Variants in TOX observed in about 807,000 individuals in gnomAD.
TOX encodes the protein thymocyte selection associated high mobility group box.
A neutral mutation model predicts 53.7 loss-of-function variants in TOX; 11 were observed. The observed-to-expected ratio is 0.20, with a 90% CI of 0.13 to 0.34. TOX has a LOEUF of 0.34. TOX is among the 10% of genes least tolerant of loss of function. The probability of loss-of-function intolerance (pLI) is 1.00; values close to 1 mark genes in which losing one functional copy is unlikely to be tolerated. For missense variants in TOX, 570 were observed against 664.6 expected, an observed-to-expected ratio of 0.86 and a Z score of 1.56; for synonymous variants, 225 against 245.3, an observed-to-expected ratio of 0.92 and a Z score of 0.77.
At chr8:59,066,262 C>G (rs1396330271) in intron 1 of TOX, among the ~76,000 whole-genome samples, 1 of 152,126 alleles carries the variant, frequency 6.6e-6, no homozygotes. Context: ...ATTTAATGAA[C>G]AAATAAGTCA....
chr8:59,040,815 G>GA (rs1371750526), intron 1 of TOX, among the ~76,000 whole-genome samples: 1 of 152,150 alleles, frequency 6.6e-6, no homozygotes, highest in Non-Finnish European at 1.5e-5. Flanking sequence ...CTGGGCTTGG[G>GA]ATGGCCCCGC....
chr8:58,994,090 G>A (rs1813508869), intron 1 of TOX, among the ~76,000 whole-genome samples: 1 of 152,196 alleles, frequency 6.6e-6, no homozygotes, highest in Non-Finnish European at 1.5e-5. Flanking sequence ...AAGTGCAAGA[G>A]TGGACAACTG....
chr8:58,975,550 T>A (rs183696645), intron 1 of TOX, among the ~76,000 whole-genome samples: 92 of 152,286 alleles, frequency 6.0e-4, no homozygotes, highest in African/African-American at 2.0e-3. Flanking sequence ...CACATACAAG[T>A]TATGTTTACA....
chr8:58,891,519 G>C (rs1390051789), intron 3 of TOX, among the ~76,000 whole-genome samples: 2 of 152,112 alleles, frequency 1.3e-5, no homozygotes, highest in Non-Finnish European at 2.9e-5. Flanking sequence ...CTAGCACAAA[G>C]GGTGAACAGT....
rs571448978 is a variant in TOX at position 58,963,320 on chromosome 8, TAGATAGATAG to T, written c.103-3322_103-3313del. ...ATAGATAGATAGATATATATATAGATAGATAGATAGATAGATAGATAGGTAGATAGATAGA... is the reference window on the plus strand; with the variant it reads ...ATAGATAGATAGATATATATATAGATATAGATAGATAGGTAGATAGATAGA... On this transcript the variant is annotated intron_variant, in intron 1 of 8. Coordinates refer to ENST00000361421, the MANE Select transcript of TOX (RefSeq NM_014729.3). Among the ~76,000 whole-genome samples the T allele has an allele frequency of 1.4e-3, 209 of 151,902 alleles. 1 individual carries two copies. Among genetic ancestry groups the T allele is most frequent in the African/African-American group, 5.0e-3 (206 of 41,448 alleles).
At chr8:59,116,249 C>T (rs1237061564) in intron 1 of TOX, among the ~76,000 whole-genome samples, 1 of 152,148 alleles carries the variant, frequency 6.6e-6, no homozygotes, top group Non-Finnish European at 1.5e-5. Context: ...AAACAAATCA[C>T]CTGACAAACT....
At chr8:58,893,818 C>T (rs1238432988) in intron 3 of TOX, among the ~76,000 whole-genome samples, 1 of 152,144 alleles carries the variant, frequency 6.6e-6, no homozygotes, top group African/African-American at 2.4e-5. Context: ...TAAGGTGAAA[C>T]GTGAAAGCTA....
intron 1 of TOX, among the ~76,000 whole-genome samples, chr8:59,021,317 G>T (rs1814126065): frequency 6.6e-6 from 1 of 150,646 alleles, no homozygotes; most frequent in African/African-American, 2.4e-5. Flanking sequence ...GGGGAAGCAG[G>T]AGGGGGAGGT....
intron 3 of TOX, among the ~76,000 whole-genome samples, chr8:58,888,711 A>G (rs1811512248): frequency 6.6e-6 from 1 of 151,902 alleles, no homozygotes; most frequent in Non-Finnish European, 1.5e-5. Flanking sequence ...TAAAAAGACT[A>G]CAGAATAGAA....
intron 1 of TOX, among the ~76,000 whole-genome samples, chr8:59,094,065 C>G (rs184416149): frequency 6.6e-6 from 1 of 151,738 alleles, no homozygotes; most frequent in Admixed American, 6.6e-5. Flanking sequence ...ATATGACAGA[C>G]CATGATTCTA....
chr8:59,102,283 A>C (rs1804820536), intron 1 of TOX, among the ~76,000 whole-genome samples: 1 of 152,134 alleles, frequency 6.6e-6, no homozygotes, highest in African/African-American at 2.4e-5. Context: ...CCTGCAGTAC[A>C]GTGGGGCTAT....
intron 1 of TOX, among the ~76,000 whole-genome samples, chr8:59,088,874 A>C (rs1033635056): frequency 1.3e-5 from 2 of 152,222 alleles, no homozygotes; most frequent in Non-Finnish European, 2.9e-5. Flanking sequence ...GGTACCTATT[A>C]GCCACAAGTT....
At chr8:58,967,414 C>T (rs1467531775) in intron 1 of TOX, among the ~76,000 whole-genome samples, 1 of 152,084 alleles carries the variant, frequency 6.6e-6, no homozygotes, top group Non-Finnish European at 1.5e-5. Flanking sequence ...TTACATGCTC[C>T]CCAGATCTGC....
At chr8:58,965,552 G>A (rs1812878420) in intron 1 of TOX, among the ~76,000 whole-genome samples, 1 of 152,078 alleles carries the variant, frequency 6.6e-6, no homozygotes, top group Non-Finnish European at 1.5e-5. Flanking sequence ...ATCAGTCATT[G>A]GCACTGGTAC....
intron 3 of TOX, among the ~76,000 whole-genome samples, chr8:58,891,991 C>A (rs1255731408): frequency 6.6e-6 from 1 of 152,120 alleles, no homozygotes; most frequent in Non-Finnish European, 1.5e-5. Context: ...CATTCGTATT[C>A]ATAGCATGCT....
At chr8:59,116,868 A>G (rs767991807) in intron 1 of TOX, among the ~76,000 whole-genome samples, 5 of 152,252 alleles carry the variant, frequency 3.3e-5, no homozygotes, top group Non-Finnish European at 5.9e-5. Context: ...TAGTAAAGAA[A>G]TTCTGAATAC....
At chr8:58,875,043 C>T (rs1282492809) in intron 3 of TOX, among the ~76,000 whole-genome samples, 1 of 152,318 alleles carries the variant, frequency 6.6e-6, no homozygotes, top group Admixed American at 6.5e-5. Context: ...AAGATTCCTG[C>T]ATTTCCCTTG....
intron 1 of TOX, among the ~76,000 whole-genome samples, chr8:59,029,150 C>A (rs754620044): frequency 6.6e-6 from 1 of 152,008 alleles, no homozygotes; most frequent in Non-Finnish European, 1.5e-5. Flanking sequence ...GCAAAAATGA[C>A]TTCAGTCTAT....
chr8:58,887,346 TCC>T (rs1171134214), intron 3 of TOX, among the ~76,000 whole-genome samples: 2 of 152,090 alleles, frequency 1.3e-5, no homozygotes, highest in Non-Finnish European at 2.9e-5. Context: ...TTTTACTTTT[TCC>T]CCTGATGTTT....
Sources: gnomAD v4.1 joint callset for allele counts (sites outside exome capture counted in the v4.1 genomes callset) on GRCh38, gnomAD v4.1.1 for gene constraint, MANE v1.5 for transcripts, NCBI Gene and HGNC (gene_info 2026-07-23, HGNC 2026-07-21) for gene names.